Variants in GIGYF2 observed in about 807,000 individuals in gnomAD.
The protein encoded by GIGYF2 is GRB10-interacting GYF protein 2.
A neutral mutation model predicts 208.1 loss-of-function variants in GIGYF2; 25 were observed. That is an observed-to-expected ratio of 0.12 (90% CI 0.09 to 0.17). The LOEUF is 0.17. Among genes scored for constraint, GIGYF2 ranks in the 10% least tolerant of loss-of-function variants. The pLI, the probability that GIGYF2 is intolerant of heterozygous loss-of-function variation, is 1.00. For synonymous variants in GIGYF2, 534 were observed against 543.8 expected, an observed-to-expected ratio of 0.98 and a Z score of 0.25; for missense variants, 1,302 against 1,579.4, an observed-to-expected ratio of 0.82 and a Z score of 2.98.
At chr2:232,736,552 C>A (rs978050276) in intron 3 of GIGYF2, 1 of 152,022 alleles carries the variant, frequency 6.6e-6, no homozygotes, top group Non-Finnish European at 1.5e-5. Flanking sequence ...TAAATGGTTG[C>A]ATTGTATGGA....
At chr2:232,798,195 A>C (rs909586130) in intron 14 of GIGYF2, among the ~76,000 whole-genome samples, 1 of 152,164 alleles carries the variant, frequency 6.6e-6, no homozygotes, top group Non-Finnish European at 1.5e-5. Flanking sequence ...TTCACTCAGC[A>C]TAATTCTCTG....
In GIGYF2 at chr2:232,768,177, A is replaced by G. The variant is rs370090481; in HGVS notation, c.532+6741A>G. 2.4e-5 allele frequency: 38 copies of G among 1,613,648 alleles called. No individual in the cohort carries two copies. The African/African-American group carries it at 4.7e-4, about 20-fold the overall frequency. ...TGGCTGGGTGTATTTAATACATTAAAAAATGGATAAGTCTTATTCTGTCAG... is the reference window on the plus strand; with the variant it reads ...TGGCTGGGTGTATTTAATACATTAAGAAATGGATAAGTCTTATTCTGTCAG... On this transcript the variant is annotated intron_variant, in intron 8 of 28. Coordinates refer to ENST00000373563, the MANE Select transcript of GIGYF2 (RefSeq NM_001103146.3).
At position 232,737,165 on chromosome 2, in the gene GIGYF2, A is replaced by G. The variant is rs926943026; in HGVS notation, c.41+1927A>G. On this transcript the variant is annotated intron_variant, in intron 3 of 28. Coordinates refer to ENST00000373563, the MANE Select transcript of GIGYF2 (RefSeq NM_001103146.3). The stretch of plus-strand genomic sequence containing the variant: ...TAATTCTCTGGCCCTTTGGAGAGAC[A>G]GTTTGCTGGCCCCTGCCCTACACCA... Among the ~76,000 whole-genome samples the G allele has an allele frequency of 2.6e-5, 4 of 152,192 alleles. No homozygotes were observed. The South Asian group carries it at 8.3e-4, about 32-fold the overall frequency.
At chr2:232,750,181 T>TA (rs879926319) in intron 5 of GIGYF2, among the ~76,000 whole-genome samples, 99 of 143,040 alleles carry the variant, frequency 6.9e-4, no homozygotes, top group South Asian at 4.7e-3. Context: ...GAGACTCCAT[T>TA]AAAAAAAAAA....
Position 232,796,202 on chromosome 2 carries a change from T to C in GIGYF2, c.1620T>C (p.Asp540=). The C allele has an allele frequency of 2.5e-6, 4 of 1,604,932 alleles. No individual in the cohort carries two copies. Among genetic ancestry groups the C allele is most frequent in the Non-Finnish European group, 3.4e-6 (4 of 1,171,596 alleles). Residue 540 remains aspartate (D), a synonymous_variant, in exon 14 of 29, where the codon GAT becomes GAC. Coordinates refer to ENST00000373563, the MANE Select transcript of GIGYF2 (RefSeq NM_001103146.3). ...HEAMQKWYYK[D]PQGEIQGPFN... is the part of the protein sequence containing the mutation. ...CAATGCAGAAGTGGTATTACAAAGA[T>C]CCTCAGGGAGAAATTCAAGGCAAGT...
At chr2:232,833,114 C>T (rs962754695) in intron 22 of GIGYF2, 21 bp downstream of exon 22, 35 of 1,507,342 alleles carry the variant, frequency 2.3e-5, no homozygotes, top group Non-Finnish European at 3.0e-5. Context: ...AGGCATCAAC[C>T]TTAGGAGCTC....
At chr2:232,740,227 C>T (rs561135391) in intron 3 of GIGYF2, among the ~76,000 whole-genome samples, 13 of 152,120 alleles carry the variant, frequency 8.5e-5, no homozygotes, top group Non-Finnish European at 1.3e-4. Context: ...GAGTCTGAGG[C>T]TGGAGGATTG....
At chr2:232,789,480 C>CTT (rs776465225) in intron 9 of GIGYF2, among the ~76,000 whole-genome samples, 1 of 152,164 alleles carries the variant, frequency 6.6e-6, no homozygotes, top group African/African-American at 2.4e-5. Context: ...CGTAAGCAGT[C>CTT]TGAGTATAAA....
In GIGYF2 at chr2:232,856,935, C is replaced by T; in HGVS notation, c.*75C>T. On this transcript the variant is annotated 3_prime_UTR_variant, in exon 29 of 29. Transcript: ENST00000373563. ...TCTCCACCTTTGGACACAACACTTACTCACCATTTACTCTTTATCACTCTG... is the reference window on the plus strand; with the variant it reads ...TCTCCACCTTTGGACACAACACTTATTCACCATTTACTCTTTATCACTCTG... 1 of 944,894 alleles carries T rather than the reference C, an allele frequency of 1.1e-6. No individual in the cohort carries two copies. The highest frequency in any genetic ancestry group is 1.8e-6 in the Non-Finnish European group (1 of 568,472). 58.5% of individuals were successfully genotyped at this position (944,894 alleles called of 1,614,324 possible). A position where few individuals can be genotyped will look rare whatever the true frequency, so the allele number is the denominator to read the frequency against.
At chr2:232,781,452 A>T (rs1370655001) in intron 8 of GIGYF2, among the ~76,000 whole-genome samples, 1 of 146,522 alleles carries the variant, frequency 6.8e-6, no homozygotes, top group Non-Finnish European at 1.5e-5. Flanking sequence ...TAGATGCAGT[A>T]TAATTTTTAG....
chr2:232,814,946 G>A (rs1700866414), intron 18 of GIGYF2, among the ~76,000 whole-genome samples: 1 of 152,134 alleles, frequency 6.6e-6, no homozygotes, highest in South Asian at 2.1e-4. Context: ...AGAAAACTTC[G>A]CTGGCAATAG....
rs1184863481 is a variant in GIGYF2, at chr2:232,847,502, GCAGCAGCAGCTGCCA to G, written c.3626_3640del (p.Leu1209_Gln1213del). On this transcript the variant is annotated inframe_deletion, in exon 27 of 29. Coordinates refer to ENST00000373563, the MANE Select transcript of GIGYF2 (RefSeq NM_001103146.3). Reference sequence around the variant, plus strand: ...AACAGAAAGCCAACCAGCAGCGTCAGCAGCAGCAGCTGCCACAGCAGCAGCAGCAGCAGCCGCCAC... The same window carrying G: ...AACAGAAAGCCAACCAGCAGCGTCAGCAGCAGCAGCAGCAGCAGCCGCCAC... 4 of 1,396,170 alleles carry G rather than the reference GCAGCAGCAGCTGCCA, an allele frequency of 2.9e-6. No homozygotes were observed. Among genetic ancestry groups the G allele is most frequent in the East Asian group, 2.3e-5 (1 of 43,256 alleles). 86.5% of individuals were successfully genotyped at this position (1,396,170 alleles called of 1,614,324 possible).
At chr2:232,816,770 T>C in intron 19 of GIGYF2, 101 bp from the exon 20 acceptor site, 1 of 872,686 alleles carries the variant, frequency 1.1e-6, no homozygotes, top group Non-Finnish European at 2.0e-6. Flanking sequence ...TGCAGTACGG[T>C]ACAAGCAGCT....
intron 2 of GIGYF2, among the ~76,000 whole-genome samples, chr2:232,711,163 G>A (rs1260787163): frequency 6.7e-6 from 1 of 150,302 alleles, no homozygotes; most frequent in Non-Finnish European, 1.5e-5. Context: ...GTGTGGTGGT[G>A]TAGTCTTGGC....
At chr2:232,742,275 T>G (rs925893403) in intron 3 of GIGYF2, among the ~76,000 whole-genome samples, 1 of 152,218 alleles carries the variant, frequency 6.6e-6, no homozygotes, top group Non-Finnish European at 1.5e-5. Flanking sequence ...GCGCAGTGGC[T>G]CACCCCTATA....
In GIGYF2 at chr2:232,720,836, C is replaced by A. The variant is rs373919935; in HGVS notation, c.-43-14319C>A. Among the ~76,000 whole-genome samples, 9 of 152,220 alleles carry A rather than the reference C, an allele frequency of 5.9e-5. No homozygotes were observed. The East Asian group carries it at 1.5e-3, about 26-fold the overall frequency. On this transcript the variant is annotated intron_variant, in intron 2 of 28. Transcript: ENST00000373563. ...TTTCGAACTCCTGGCCTCAATCGAT[C>A]TGCCCACCTCAGCCTCCCAAAGTGC...
At chr2:232,829,640 G>A (rs13414901) in intron 21 of GIGYF2, among the ~76,000 whole-genome samples, 148 of 152,280 alleles carry the variant, frequency 9.7e-4, no homozygotes, top group African/African-American at 3.4e-3. Context: ...TTATGAGCCA[G>A]CCAAGGATTT....
rs374216594 is a variant in GIGYF2, at chr2:232,761,537, A to G, written c.532+101A>G. On this transcript the variant is annotated intron_variant, in intron 8 of 28. Transcript: ENST00000373563. ...GGGGCTGCAGCATTTCCTGCATTTAAACTTCCACGGTTATTTGAAGTCTCT... is the reference window on the plus strand; with the variant it reads ...GGGGCTGCAGCATTTCCTGCATTTAGACTTCCACGGTTATTTGAAGTCTCT... 45 of 725,444 alleles carry G rather than the reference A, an allele frequency of 6.2e-5. 1 individual carries two copies. The African/African-American group carries it at 6.5e-4, about 11-fold the overall frequency. 44.9% of individuals were successfully genotyped at this position (725,444 alleles called of 1,614,324 possible).
At chr2:232,763,021 C>CA (rs560897580) in intron 8 of GIGYF2, among the ~76,000 whole-genome samples, 52 of 146,790 alleles carry the variant, frequency 3.5e-4, no homozygotes, top group African/African-American at 9.5e-4. Context: ...GAGACCCTGT[C>CA]AAAAAAAAAA....
Sources: allele counts gnomAD v4.1 joint callset (sites outside exome capture counted in the v4.1 genomes callset), GRCh38; gene constraint gnomAD v4.1.1; transcripts MANE v1.5; gene names NCBI Gene and HGNC (gene_info 2026-07-23, HGNC 2026-07-21).